The following CNNM1 variants were observed in gnomAD, a reference collection of about 807,000 sequenced individuals.
The protein encoded by CNNM1 is metal transporter CNNM1.
A neutral mutation model predicts 78.8 loss-of-function variants in CNNM1; 44 were observed. The ratio of observed to expected loss-of-function variants is 0.56; its 90% CI spans 0.44 to 0.72. CNNM1 has a LOEUF of 0.72. Ranked by LOEUF, CNNM1 falls within the 30% of genes least tolerant of loss-of-function variation. The pLI is 0.00. For synonymous variants in CNNM1, 584 were observed against 581.5 expected (o/e 1.00, Z -0.06); for missense variants, 1,101 against 1,292.2 (o/e 0.85, Z 2.27).
intron 2 of CNNM1, among the ~76,000 whole-genome samples, chr10:99,360,046 A>G (rs890168149): frequency 1.3e-5 from 2 of 152,176 alleles, no homozygotes; most frequent in East Asian, 1.9e-4. Context: ...CAATAATTAC[A>G]TGCCTGATAC....
chr10:99,359,183 A>G (rs904841838), intron 2 of CNNM1, among the ~76,000 whole-genome samples: 1 of 138,210 alleles, frequency 7.2e-6, no homozygotes, highest in Admixed American at 7.3e-5. Flanking sequence ...TCTAAGGAGA[A>G]GGGGGCGATG....
chr10:99,331,068 A>G, intron 1 of CNNM1, 108 bp downstream of exon 1: 1 of 1,119,642 alleles, frequency 8.9e-7, no homozygotes, highest in Non-Finnish European at 1.3e-6. Context: ...CTCCTATGGT[A>G]CTAAAAACCC....
intron 7 of CNNM1, among the ~76,000 whole-genome samples, chr10:99,387,384 C>T (rs2032336671): frequency 6.6e-6 from 1 of 152,206 alleles, no homozygotes; most frequent in Admixed American, 6.5e-5. Context: ...CAGGCCTTAG[C>T]CTCCAGCTTC....
Position 99,330,048 on chromosome 10 carries a change from C to G in CNNM1, c.661C>G (p.Pro221Ala), listed in dbSNP as rs762528579. 29 of 1,509,928 alleles carry G rather than the reference C, an allele frequency of 1.9e-5. No individual in the cohort carries two copies. The highest frequency in any genetic ancestry group is 2.1e-4 in the Middle Eastern group (1 of 4,786). 93.5% of individuals were successfully genotyped at this position (1,509,928 alleles called of 1,614,324 possible). A position where few individuals can be genotyped will look rare whatever the true frequency, so the allele number is the denominator to read the frequency against. ...LYGPGGDLLP[P>A]AWLRALGALL... ...CGGCCCAGGCGGGGACCTGCTGCCC[C>G]CTGCGTGGCTGCGGGCGCTCGGGGC... Residue 221 changes from proline to alanine, a missense_variant, in exon 1 of 11, where the codon CCT becomes GCT. Pro to Ala is a conservative substitution (Grantham distance 27). This residue lies in a region of CNNM1 where 476 missense variants were observed against 484.5 expected (regional missense o/e 0.98). Coordinates refer to ENST00000356713, the MANE Select transcript of CNNM1 (RefSeq NM_020348.3).
Position 99,364,400 on chromosome 10 carries a change from C to CA in CNNM1, c.2029-17_2029-16insA. On this transcript the variant is annotated splice_polypyrimidine_tract_variant and intron_variant, in intron 4 of 10. Transcript: ENST00000356713. ...CTCATACACATTCATAGTACACTTC[C>CA]TTTTTTTTTTTTCCAGGGTAAAGTG... 8.0e-7 allele frequency: 1 copy of CA among 1,248,112 alleles called. No individual in the cohort carries two copies. Among genetic ancestry groups the CA allele is most frequent in the Non-Finnish European group, 1.1e-6 (1 of 894,004 alleles). The allele number at this position is 1,248,112 out of a possible 1,614,324, so 77.3% of individuals were successfully genotyped here. A position where few individuals can be genotyped will look rare whatever the true frequency, so the allele number is the denominator to read the frequency against.
At position 99,388,286 on chromosome 10, in the gene CNNM1, G is replaced by A. The variant is rs763795037; in HGVS notation, c.2659G>A (p.Val887Ile). Residue 887 changes from valine (V) to isoleucine (I), a missense_variant, in exon 9 of 11, where the codon GTT becomes ATT. Physicochemically the swap from Val to Ile is conservative, Grantham distance 29. Around this residue, in one of 3 missense-constraint regions of CNNM1, gnomAD observed 348 missense variants for 384.5 expected, o/e 0.90. Coordinates refer to ENST00000356713, the MANE Select transcript of CNNM1 (RefSeq NM_020348.3). ...TQQLTLSPAA[V>I]PTRAASDSEC... ...GCAGCTCACGCTGTCTCCTGCAGCC[G>A]TTCCCACGAGAGCAGGTCAGGGAGG... 1.4e-5 allele frequency: 23 copies of A among 1,613,580 alleles called. No homozygotes were observed. The highest frequency in any genetic ancestry group is 8.3e-5 in the Admixed American group (5 of 59,996).
intron 1 of CNNM1, among the ~76,000 whole-genome samples, chr10:99,356,642 A>AGGAG (rs2031225251): frequency 6.6e-6 from 1 of 151,512 alleles, no homozygotes; most frequent in Non-Finnish European, 1.5e-5. Context: ...AAAGAAAGAA[A>AGGAG]GGAGGGAGGG....
intron 1 of CNNM1, among the ~76,000 whole-genome samples, chr10:99,344,453 C>G (rs1367479290): frequency 6.6e-6 from 1 of 152,118 alleles, no homozygotes; most frequent in Non-Finnish European, 1.5e-5. Context: ...TCTTACCTCC[C>G]TGATCTAGTT....
chr10:99,369,852 C>T (rs757645531), intron 6 of CNNM1, among the ~76,000 whole-genome samples: 5 of 152,038 alleles, frequency 3.3e-5, no homozygotes, highest in Non-Finnish European at 5.9e-5. Flanking sequence ...CCTACATGCC[C>T]GCAAAATTAG....
At chr10:99,369,007 A>G (rs1369542639) in intron 6 of CNNM1, among the ~76,000 whole-genome samples, 2 of 152,202 alleles carry the variant, frequency 1.3e-5, no homozygotes. Flanking sequence ...TGAAGTAGGA[A>G]TAGTGGAATA....
intron 6 of CNNM1, among the ~76,000 whole-genome samples, chr10:99,365,651 A>G (rs918641651): frequency 3.3e-5 from 5 of 152,184 alleles, no homozygotes; most frequent in Admixed American, 6.5e-5. Context: ...CTTAAAGGGC[A>G]TGGCATTTTT....
rs190835987 is a variant in CNNM1, at chr10:99,332,954, T to A, written c.1573+1994T>A. Among the ~76,000 whole-genome samples, 17 of 152,312 alleles carry A rather than the reference T, an allele frequency of 1.1e-4. No individual in the cohort carries two copies. In the East Asian group the frequency reaches 3.3e-3, roughly 29 times the overall value. ...TATCTTACAGAAGTAGGGTCTTAGATCTGGGCATTGGGTGGCATAAACCAC... is the reference window on the plus strand; with the variant it reads ...TATCTTACAGAAGTAGGGTCTTAGAACTGGGCATTGGGTGGCATAAACCAC... On this transcript the variant is annotated intron_variant, in intron 1 of 10. Transcript: ENST00000356713.
rs184254558 is a variant in CNNM1, at chr10:99,371,697, A to G, written c.2177-5358A>G. Among the ~76,000 whole-genome samples the G allele has an allele frequency of 7.2e-5, 11 of 152,264 alleles. No individual in the cohort carries two copies. The East Asian group carries it at 1.5e-3, about 21-fold the overall frequency. ...ACCATTAAAGCTCCGTGTAAAGTGA[A>G]TGAGTTCATCTGGGATCCTAACTTG... is the stretch of plus-strand genomic sequence containing the variant. On this transcript the variant is annotated intron_variant, in intron 6 of 10. Coordinates refer to ENST00000356713, the MANE Select transcript of CNNM1 (RefSeq NM_020348.3).
intron 7 of CNNM1, among the ~76,000 whole-genome samples, chr10:99,382,031 A>G (rs2032178792): frequency 6.6e-6 from 1 of 152,056 alleles, no homozygotes; most frequent in South Asian, 2.1e-4. Flanking sequence ...GTTTTTTAAC[A>G]TGAGGGTTTT....
intron 1 of CNNM1, among the ~76,000 whole-genome samples, chr10:99,356,600 G>GAAAGAAAGAAAGAAAGA (rs780076032): frequency 4.5e-4 from 58 of 129,424 alleles, no homozygotes; most frequent in East Asian, 4.4e-3. Context: ...AAGAAAGAAA[G>GAAAGAAAGAAAGAAAGA]AAAGAAAAGA....
In CNNM1 at chr10:99,362,312, G is replaced by T; in HGVS notation, c.1944G>T (p.Lys648Asn). ...ATCCCAACGTGATCCAGGAGCTGAAGTTTGATGAGAAGAACAAGAAGGCCC... is the reference window on the plus strand; with the variant it reads ...ATCCCAACGTGATCCAGGAGCTGAATTTTGATGAGAAGAACAAGAAGGCCC... ...LKHPNVIQEL[K>N]FDEKNKKAPE... The change falls in exon 4 of 11, where the codon AAG (lysine) becomes AAT (asparagine). Residue 648 changes from lysine (K) to asparagine (N), a missense_variant. By Grantham distance (94) the Lys-to-Asn change is moderately conservative (BLOSUM62 0). Coordinates refer to ENST00000356713, the MANE Select transcript of CNNM1 (RefSeq NM_020348.3). 1 of 1,614,016 alleles carries T rather than the reference G, an allele frequency of 6.2e-7. No individual in the cohort carries two copies. Among genetic ancestry groups the T allele is most frequent in the Non-Finnish European group, 8.5e-7 (1 of 1,179,894 alleles).
chr10:99,392,633 A>C lies in CNNM1; in HGVS notation c.*1117A>C, dbSNP rs1312661234. The C allele has an allele frequency of 2.6e-5, 4 of 152,264 alleles. No individual in the cohort carries two copies. The highest frequency in any genetic ancestry group is 4.4e-5 in the Non-Finnish European group (3 of 68,080). The allele number at this position is 152,264 out of a possible 1,614,324, so 9.4% of individuals were successfully genotyped here. ...TGAAGTTGGGGCAGGTGCAATTCCA[A>C]GCATAACCACCAGATGGCAGAGTGA... On this transcript the variant is annotated 3_prime_UTR_variant, in exon 11 of 11. Transcript: ENST00000356713.
At chr10:99,339,767 C>T (rs574673519) in intron 1 of CNNM1, among the ~76,000 whole-genome samples, 1 of 152,194 alleles carries the variant, frequency 6.6e-6, no homozygotes, top group Non-Finnish European at 1.5e-5. Context: ...CCCAGACACA[C>T]AATGTGACCT....
Position 99,391,633 on chromosome 10 carries a change from C to T in CNNM1, c.*117C>T, listed in dbSNP as rs1027979108. 2.5e-6 allele frequency: 2 copies of T among 815,438 alleles called. No homozygotes were observed. Among genetic ancestry groups the T allele is most frequent in the Non-Finnish European group, 2.0e-6 (1 of 507,812 alleles). 50.5% of individuals were successfully genotyped at this position (815,438 alleles called of 1,614,324 possible). ...CACAGGTGACAGAATGTTCTGCCTTCCCTTCCATCTCTTCACCCCTAGCTG... is the reference window on the plus strand; with the variant it reads ...CACAGGTGACAGAATGTTCTGCCTTTCCTTCCATCTCTTCACCCCTAGCTG... On this transcript the variant is annotated 3_prime_UTR_variant, in exon 11 of 11. Transcript: ENST00000356713.
Sources: gnomAD v4.1 joint callset for allele counts (sites outside exome capture counted in the v4.1 genomes callset) on GRCh38, gnomAD v4.1.1 for gene constraint, gnomAD v4.1.1 regional missense constraint, MANE v1.5 for transcripts, NCBI Gene and HGNC (gene_info 2026-07-23, HGNC 2026-07-21) for gene names.